CDH1: variants seen among roughly 807,000 people sequenced by gnomAD.
CDH1 encodes cadherin-1.
CDH1 carries 35 observed loss-of-function variants against 84.5 expected under a neutral mutation model. That is an observed-to-expected ratio of 0.41 (90% confidence interval 0.32 to 0.55). CDH1 has a LOEUF of 0.55. Ranked by LOEUF, CDH1 falls within the 20% of genes least tolerant of loss-of-function variation. The pLI, the probability that CDH1 is intolerant of heterozygous loss-of-function variation, is 0.19. For missense variants in CDH1, 994 were observed against 1,126.6 expected (o/e 0.88, Z 1.68); for synonymous variants, 417 against 439.0 (o/e 0.95, Z 0.63).
intron 2 of CDH1, among the ~76,000 whole-genome samples, chr16:68,783,416 AAAAG>A (rs1047823284): frequency 3.3e-5 from 5 of 151,376 alleles, no homozygotes; most frequent in African/African-American, 7.3e-5. Flanking sequence ...AAAAAAGAAA[AAAAG>A]AAAAAAAAGT....
At chr16:68,743,026 G>A (rs936359071) in intron 2 of CDH1, among the ~76,000 whole-genome samples, 4 of 152,222 alleles carry the variant, frequency 2.6e-5, no homozygotes, top group Non-Finnish European at 4.4e-5. Flanking sequence ...ATGTAAAGAA[G>A]GCAGGCTGCT....
chr16:68,766,971 C>T (rs1277105483), intron 2 of CDH1, among the ~76,000 whole-genome samples: 1 of 152,050 alleles, frequency 6.6e-6, no homozygotes, highest in African/African-American at 2.4e-5. Context: ...AAGTGATCTG[C>T]CTGTCTCGGC....
rs186138833 is a variant in CDH1, at chr16:68,807,127, A to G, written c.388-1297A>G. ...GGCAAATATTTTCCTTCCATTTTCAACTCTCTTATTTCCCTGCATGTGCAT... is the reference window on the plus strand; with the variant it reads ...GGCAAATATTTTCCTTCCATTTTCAGCTCTCTTATTTCCCTGCATGTGCAT... On this transcript the variant is annotated intron_variant, in intron 3 of 15. Coordinates refer to ENST00000261769, the MANE Select transcript of CDH1 (RefSeq NM_004360.5). 4.0e-3 allele frequency among the ~76,000 whole-genome samples: 609 copies of G among 151,950 alleles called. 2 individuals carry two copies. Among genetic ancestry groups the G allele is most frequent in the Middle Eastern group, 0.014 (4 of 294 alleles).
chr16:68,818,845 G>A (rs138957735), intron 10 of CDH1, among the ~76,000 whole-genome samples: 7,184 of 108,268 alleles, frequency 0.066, 302 homozygotes, highest in African/African-American at 0.14. Context: ...GCAAGACTCC[G>A]TCTCAAAAAA....
chr16:68,776,980 G>T (rs1053145512), intron 2 of CDH1, among the ~76,000 whole-genome samples: 1 of 152,168 alleles, frequency 6.6e-6, no homozygotes, highest in East Asian at 1.9e-4. Context: ...CAATCTTGGT[G>T]TGGCTGACTT....
intron 3 of CDH1, among the ~76,000 whole-genome samples, chr16:68,803,585 T>TG (rs1273096180): frequency 2.0e-5 from 3 of 151,898 alleles, no homozygotes; most frequent in Admixed American, 2.0e-4. Context: ...TTAGTAGAGA[T>TG]GGGTTTCATC....
chr16:68,768,231 C>A (rs1348731526), intron 2 of CDH1, among the ~76,000 whole-genome samples: 1 of 152,212 alleles, frequency 6.6e-6, no homozygotes, highest in Non-Finnish European at 1.5e-5. Context: ...CAGGCGTGAG[C>A]CACTGCGCCC....
intron 15 of CDH1, among the ~76,000 whole-genome samples, chr16:68,831,096 T>TG (rs1961472106): frequency 7.4e-6 from 1 of 135,856 alleles, no homozygotes; most frequent in Non-Finnish European, 1.5e-5. Flanking sequence ...TTTTTTTTTT[T>TG]GAGACAGAGT....
intron 2 of CDH1, among the ~76,000 whole-genome samples, chr16:68,757,280 G>A (rs62057830): frequency 0.49 from 74,900 of 151,690 alleles, 19,665 homozygotes; most frequent in Non-Finnish European, 0.59. Flanking sequence ...GTAGAGACAG[G>A]GTTTCACCAT....
Position 68,755,282 on chromosome 16 carries a change from C to CAAAAAACA in CDH1, c.163+16877_163+16878insCAAAAAAA, listed in dbSNP as rs1491255542. Among the ~76,000 whole-genome samples, 30 of 96,054 alleles carry CAAAAAACA rather than the reference C, an allele frequency of 3.1e-4. 1 individual carries two copies. The highest frequency in any genetic ancestry group is 5.4e-4 in the Non-Finnish European group (26 of 48,196). 63.0% of individuals were successfully genotyped at this position (96,054 alleles called of 152,430 possible). ...TGGGTGACAGGGCAAGACTCTGTCT[C>CAAAAAACA]AAAAAAAAAAAAAAAAAAAAAATAG... On this transcript the variant is annotated intron_variant, in intron 2 of 15. Transcript: ENST00000261769.
intron 2 of CDH1, among the ~76,000 whole-genome samples, chr16:68,742,011 T>G (rs1962578465): frequency 6.6e-6 from 1 of 152,072 alleles, no homozygotes; most frequent in Non-Finnish European, 1.5e-5. Flanking sequence ...TTTTCCTTCT[T>G]CATAGCACAC....
chr16:68,834,068 C>T lies in CDH1; in HGVS notation c.*569C>T. The T allele has an allele frequency of 2.6e-6, 1 of 380,806 alleles. No individual in the cohort carries two copies. Among genetic ancestry groups the T allele is most frequent in the Admixed American group, 3.5e-5 (1 of 28,670 alleles). The allele number at this position is 380,806 out of a possible 1,614,324, so 23.6% of individuals were successfully genotyped here. A position where few individuals can be genotyped will look rare whatever the true frequency, so the allele number is the denominator to read the frequency against. On this transcript the variant is annotated 3_prime_UTR_variant, in exon 16 of 16. Coordinates refer to ENST00000261769, the MANE Select transcript of CDH1 (RefSeq NM_004360.5). ...TCCTCCCAGGCTCAAGCTATCCTTG[C>T]ACCTCAGCCTCCCAAGTAGCTGGGA...
chr16:68,778,839 T>A (rs574284667), intron 2 of CDH1, among the ~76,000 whole-genome samples: 1 of 152,228 alleles, frequency 6.6e-6, no homozygotes, highest in African/African-American at 2.4e-5. Context: ...CCTCCTGATT[T>A]AGTTAATAAG....
chr16:68,737,439 C>T lies in CDH1; in HGVS notation c.24C>T (p.Leu8=), dbSNP rs1057521296. Residue 8 remains leucine, a synonymous_variant, in exon 1 of 16, where the codon CTC becomes CTT. Transcript: ENST00000261769. MGPWSRS[L]SALLLLLQVS... ...CCATGGGCCCTTGGAGCCGCAGCCT[C>T]TCGGCGCTGCTGCTGCTGCTGCAGG... 1 of 1,535,522 alleles carries T rather than the reference C, an allele frequency of 6.5e-7. No homozygotes were observed. The highest frequency in any genetic ancestry group is 8.7e-7 in the Non-Finnish European group (1 of 1,147,398).
chr16:68,750,709 T>G (rs1371198172), intron 2 of CDH1, among the ~76,000 whole-genome samples: 1 of 128,252 alleles, frequency 7.8e-6, no homozygotes, highest in Non-Finnish European at 1.7e-5. Flanking sequence ...TTCTCCTTGG[T>G]TTTTTTTTTT....
At chr16:68,817,949 A>G (rs771963644) in intron 10 of CDH1, among the ~76,000 whole-genome samples, 29 of 152,138 alleles carry the variant, frequency 1.9e-4, no homozygotes, top group Admixed American at 1.8e-3. Context: ...CCTAAAATTG[A>G]AAATCAAGAC....
chr16:68,756,422 A>G (rs1053422001), intron 2 of CDH1, among the ~76,000 whole-genome samples: 3 of 152,096 alleles, frequency 2.0e-5, no homozygotes, highest in Non-Finnish European at 2.9e-5. Context: ...CTCTCCTGGT[A>G]AGGTTTTTCA....
At chr16:68,763,142 A>C (rs968892361) in intron 2 of CDH1, among the ~76,000 whole-genome samples, 1 of 152,144 alleles carries the variant, frequency 6.6e-6, no homozygotes, top group African/African-American at 2.4e-5. Flanking sequence ...GGTGACAGCT[A>C]TTCCTGTTTT....
In CDH1 at chr16:68,738,328, C is replaced by T. The variant is rs1597838536; in HGVS notation, c.80C>T (p.Pro27Leu). ...TCTTGGCTCTGCCAGGAGCCGGAGCCCTGCCACCCTGGCTTTGACGCCGAG... is the reference window on the plus strand; with the variant it reads ...TCTTGGCTCTGCCAGGAGCCGGAGCTCTGCCACCCTGGCTTTGACGCCGAG... ...VSSWLCQEPE[P>L]CHPGFDAESY... Residue 27 changes from proline (P) to leucine (L), a missense_variant, in exon 2 of 16, where the codon CCC becomes CTC. Physicochemically the swap from Pro to Leu is moderately conservative, Grantham distance 98. Around this residue, in one of 3 missense-constraint regions of CDH1, gnomAD observed 203 missense variants for 194.0 expected, o/e 1.05. Transcript: ENST00000261769. 1 of 1,533,846 alleles carries T rather than the reference C, an allele frequency of 6.5e-7. No individual in the cohort carries two copies. Among genetic ancestry groups the T allele is most frequent in the South Asian group, 1.2e-5 (1 of 82,608 alleles).
Sources: gnomAD v4.1 joint callset for allele counts (sites outside exome capture counted in the v4.1 genomes callset) on GRCh38, gnomAD v4.1.1 for gene constraint, gnomAD v4.1.1 regional missense constraint, MANE v1.5 for transcripts, NCBI Gene and HGNC (gene_info 2026-07-23, HGNC 2026-07-21) for gene names.